Variants in PLA2R1 observed in about 807,000 individuals in gnomAD.
PLA2R1 encodes phospholipase A2 receptor 1.
In PLA2R1, 158 loss-of-function variants were observed where a neutral mutation model predicts 195.9. The observed-to-expected ratio is 0.81, with a 90% confidence interval of 0.71 to 0.92. PLA2R1 has a LOEUF of 0.92. Among genes scored for constraint, PLA2R1 ranks in the 40% least tolerant of loss-of-function variants. PLA2R1 has a pLI of 0.00. For synonymous variants in PLA2R1, 586 were observed against 598.2 expected, an observed-to-expected ratio of 0.98 and a Z score of 0.30; for missense variants, 1,626 against 1,764.6, an observed-to-expected ratio of 0.92 and a Z score of 1.41.
chr2:159,951,416 T>C lies in PLA2R1; in HGVS notation c.3464A>G (p.Gln1155Arg), dbSNP rs780539162. 2.5e-6 allele frequency: 4 copies of C among 1,614,034 alleles called. No individual in the cohort carries two copies. The highest frequency in any genetic ancestry group is 3.4e-6 in the Non-Finnish European group (4 of 1,179,880). ...HKAQLVSITD[Q>R]YHQSFLTVVL... Reference sequence around the variant, plus strand: ...AACAGTGAGGAAGGACTGGTGATACTGGTCTGTGATGCTGACCAGTTGTGC... The same window carrying C: ...AACAGTGAGGAAGGACTGGTGATACCGGTCTGTGATGCTGACCAGTTGTGC... The change falls in exon 24 of 30, where the codon CAG becomes CGG. Residue 1155 changes from glutamine (Q) to arginine (R), a missense_variant. By Grantham distance (43) the Gln-to-Arg change is conservative. Transcript: ENST00000283243.
At chr2:159,999,355 T>G (rs1334560026) in intron 11 of PLA2R1, among the ~76,000 whole-genome samples, 1 of 2,390 alleles carries the variant, frequency 4.2e-4, no homozygotes, top group South Asian at 3.0e-3. Flanking sequence ...TAATTTTTTT[T>G]TTTTTTTTTT....
At chr2:159,984,169 CATT>C in intron 12 of PLA2R1, 96 bp from the exon 13 acceptor site, 2 of 586,336 alleles carry the variant, frequency 3.4e-6, no homozygotes, top group East Asian at 2.7e-5. Flanking sequence ...ACATAATCAT[CATT>C]ATTATTTATA....
At position 159,938,045 on chromosome 2, in the gene PLA2R1, T is replaced by A. The variant is rs1686915364; in HGVS notation, c.*3733A>T. Reference sequence around the variant, plus strand: ...AAGAAGAACCAGGGGTGCTCTCAGGTAAATCAGTTTTAAGAAAAAATATAC... The same window carrying A: ...AAGAAGAACCAGGGGTGCTCTCAGGAAAATCAGTTTTAAGAAAAAATATAC... On this transcript the variant is annotated 3_prime_UTR_variant, in exon 30 of 30. Transcript: ENST00000283243. 1 of 152,200 alleles carries A rather than the reference T, an allele frequency of 6.6e-6. No homozygotes were observed. The highest frequency in any genetic ancestry group is 2.4e-5 in the African/African-American group (1 of 41,444). 9.4% of individuals were successfully genotyped at this position (152,200 alleles called of 1,614,324 possible). A position where few individuals can be genotyped will look rare whatever the true frequency, so the allele number is the denominator to read the frequency against.
intron 8 of PLA2R1, among the ~76,000 whole-genome samples, chr2:160,019,878 C>T (rs1363003355): frequency 6.6e-6 from 1 of 152,142 alleles, no homozygotes; most frequent in Non-Finnish European, 1.5e-5. Flanking sequence ...TCCTGTCCTG[C>T]CCCAACCCAA....
In PLA2R1 at chr2:159,955,329, G is replaced by T; in HGVS notation, c.3171C>A (p.Thr1057=). The change falls in exon 23 of 30, where the codon ACC becomes ACA. Residue 1057 remains threonine, a synonymous_variant. Coordinates refer to ENST00000283243, the MANE Select transcript of PLA2R1 (RefSeq NM_007366.5). ...FDIINIPSHN[T]TEVQKHIPLC... is the part of the protein sequence containing the mutation. ...GAGGAATGTGTTTCTGAACTTCAGT[G>T]GTATTGTGACTTGGAATCTTTAAAA... 1 of 1,596,538 alleles carries T rather than the reference G, an allele frequency of 6.3e-7. No individual in the cohort carries two copies. Among genetic ancestry groups the T allele is most frequent in the Non-Finnish European group, 8.6e-7 (1 of 1,166,650 alleles).
Position 160,028,983 on chromosome 2 carries a change from G to A in PLA2R1, c.842-20C>T. The A allele has an allele frequency of 7.4e-7, 1 of 1,344,774 alleles. No individual in the cohort carries two copies. Among genetic ancestry groups the A allele is most frequent in the Admixed American group, 1.8e-5 (1 of 56,890 alleles). 83.3% of individuals were successfully genotyped at this position (1,344,774 alleles called of 1,614,324 possible). ...TGTGCTCTGAAATGAAAATTATGGA[G>A]CTTCAAAAAAAAAATCCAGTGTTAC... On this transcript the variant is annotated intron_variant, in intron 4 of 29. Transcript: ENST00000283243.
At chr2:160,021,627 A>AG (rs1693126630) in intron 7 of PLA2R1, among the ~76,000 whole-genome samples, 3 of 152,182 alleles carry the variant, frequency 2.0e-5, no homozygotes, top group African/African-American at 7.2e-5. Context: ...AGATTCCAAA[A>AG]GGTAGCAGAG....
Position 159,941,197 on chromosome 2 carries a change from T to G in PLA2R1, c.*581A>C, listed in dbSNP as rs1235399492. On this transcript the variant is annotated 3_prime_UTR_variant, in exon 30 of 30. Transcript: ENST00000283243. ...CTTGAGATGTTAGACCTAATAAAAA[T>G]GAATGTCACCTTAAATATCAGTTGA... 6.6e-6 allele frequency: 1 copy of G among 152,214 alleles called. No homozygotes were observed. The highest frequency in any genetic ancestry group is 2.4e-5 in the African/African-American group (1 of 41,456). The allele number at this position is 152,214 out of a possible 1,614,324, so 9.4% of individuals were successfully genotyped here. A position where few individuals can be genotyped will look rare whatever the true frequency, so the allele number is the denominator to read the frequency against.
At chr2:159,979,034 G>C (rs962400442) in intron 14 of PLA2R1, among the ~76,000 whole-genome samples, 5 of 152,202 alleles carry the variant, frequency 3.3e-5, no homozygotes. Context: ...AGATCATGTA[G>C]GAGTGCATTC....
intron 11 of PLA2R1, among the ~76,000 whole-genome samples, chr2:159,988,468 C>T (rs2105325996): frequency 6.6e-6 from 1 of 152,128 alleles, no homozygotes; most frequent in Non-Finnish European, 1.5e-5. Flanking sequence ...TAAAGTGCTA[C>T]AGTAAAAGGT....
intron 11 of PLA2R1, among the ~76,000 whole-genome samples, chr2:159,989,210 G>C (rs2715923): frequency 6.6e-6 from 1 of 152,070 alleles, no homozygotes; most frequent in African/African-American, 2.4e-5. Flanking sequence ...AAGGGGGAGA[G>C]ATTATAGTAT....
intron 3 of PLA2R1, among the ~76,000 whole-genome samples, chr2:160,037,996 C>A (rs1474216481): frequency 6.6e-6 from 1 of 152,114 alleles, no homozygotes; most frequent in Admixed American, 6.5e-5. Flanking sequence ...AAGTCCCTGG[C>A]ACATAGTAGG....
intron 1 of PLA2R1, among the ~76,000 whole-genome samples, chr2:160,048,633 G>T (rs1695033742): frequency 6.6e-6 from 1 of 152,194 alleles, no homozygotes; most frequent in Admixed American, 6.5e-5. Context: ...ATAGTTGTTG[G>T]ATTTTTTAAA....
At chr2:160,028,796 G>T in intron 5 of PLA2R1, 54 bp downstream of exon 5, 1 of 1,005,992 alleles carries the variant, frequency 9.9e-7, no homozygotes, top group Non-Finnish European at 1.6e-6. Context: ...ATGCTGCTGT[G>T]TAAGGGTGCA....
At chr2:159,930,183 T>C (rs527435026), downstream of PLA2R1, among the ~76,000 whole-genome samples, 9 of 151,764 alleles carry the variant, frequency 5.9e-5, no homozygotes, top group Non-Finnish European at 1.0e-4. Flanking sequence ...CCAAGGCGGG[T>C]GGATCACGAG....
intron 20 of PLA2R1, among the ~76,000 whole-genome samples, chr2:159,965,425 T>A (rs1295137936): frequency 6.6e-6 from 1 of 152,322 alleles, no homozygotes; most frequent in East Asian, 1.9e-4. Flanking sequence ...ATTGGCTTCT[T>A]TCACTTAGTA....
intron 3 of PLA2R1, among the ~76,000 whole-genome samples, chr2:160,035,489 G>C (rs929049077): frequency 2.0e-5 from 3 of 152,112 alleles, no homozygotes; most frequent in Non-Finnish European, 4.4e-5. Flanking sequence ...AAAATCAAAG[G>C]CTGGTGTCTC....
At chr2:160,052,454 T>A (rs1015431660) in intron 1 of PLA2R1, among the ~76,000 whole-genome samples, 4 of 152,264 alleles carry the variant, frequency 2.6e-5, no homozygotes, top group African/African-American at 9.6e-5. Context: ...AATGAATTTT[T>A]AAACTGAGTT....
chr2:160,045,173 A>G lies in PLA2R1; in HGVS notation c.110-16T>C. On this transcript the variant is annotated splice_polypyrimidine_tract_variant and intron_variant, in intron 1 of 29. Transcript: ENST00000283243. ...ATTCCTTTATCTGAAACAAAAATCA[A>G]AGATGTGGCATGAAATTTTCATATA... 6.4e-7 allele frequency: 1 copy of G among 1,572,118 alleles called. No individual in the cohort carries two copies. Among genetic ancestry groups the G allele is most frequent in the Non-Finnish European group, 8.7e-7 (1 of 1,152,886 alleles).
Sources: allele counts gnomAD v4.1 joint callset (sites outside exome capture counted in the v4.1 genomes callset), GRCh38; gene constraint gnomAD v4.1.1; transcripts MANE v1.5; gene names NCBI Gene and HGNC (gene_info 2026-07-23, HGNC 2026-07-21).